The following ANKRD11 variants were observed in gnomAD, a reference collection of about 807,000 sequenced individuals.
The protein encoded by ANKRD11 is ankyrin repeat domain 11.
In ANKRD11, 17 loss-of-function variants were observed where a neutral mutation model predicts 195.7. That is an observed-to-expected ratio of 0.09 (90% CI 0.06 to 0.13). The LOEUF is 0.13. Ranked by LOEUF, ANKRD11 falls within the 10% of genes least tolerant of loss-of-function variation. The probability of loss-of-function intolerance (pLI) is 1.00; values close to 1 mark genes in which losing one functional copy is unlikely to be tolerated. For missense variants in ANKRD11, 3,735 were observed against 3,566.1 expected, an observed-to-expected ratio of 1.05 and a Z score of -1.21; for synonymous variants, 1,953 against 1,528.1, an observed-to-expected ratio of 1.28 and a Z score of -6.49.
At chr16:89,413,261 A>G (rs542841384) in intron 2 of ANKRD11, among the ~76,000 whole-genome samples, 45 of 152,274 alleles carry the variant, frequency 3.0e-4, no homozygotes, top group South Asian at 1.5e-3. Flanking sequence ...CATAATTACT[A>G]CGCATATTTT....
chr16:89,332,488 A>G (rs2038119418), intron 2 of ANKRD11, among the ~76,000 whole-genome samples: 1 of 152,228 alleles, frequency 6.6e-6, no homozygotes, highest in African/African-American at 2.4e-5. Context: ...CCTGCAGGCC[A>G]AGACAAATGC....
intron 2 of ANKRD11, among the ~76,000 whole-genome samples, chr16:89,375,594 C>G (rs2040389041): frequency 6.6e-6 from 1 of 151,960 alleles, no homozygotes; most frequent in African/African-American, 2.4e-5. Context: ...CGAGTGATTA[C>G]AGGCGCCCGC....
intron 7 of ANKRD11, chr16:89,286,507 A>G (rs1166665811): frequency 1.1e-5 from 6 of 527,796 alleles, no homozygotes; most frequent in African/African-American, 2.0e-5. Context: ...ACGACTTCCC[A>G]GGAATCTTCT....
intron 2 of ANKRD11, among the ~76,000 whole-genome samples, chr16:89,416,050 C>A (rs755867093): frequency 9.9e-5 from 15 of 151,968 alleles, no homozygotes; most frequent in Non-Finnish European, 1.6e-4. Context: ...CACAGGCAAA[C>A]AAAAGACAAA....
At chr16:89,273,313 T>C (rs1347040217) in intron 11 of ANKRD11, among the ~76,000 whole-genome samples, 2 of 152,188 alleles carry the variant, frequency 1.3e-5, no homozygotes, top group Non-Finnish European at 2.9e-5. Flanking sequence ...CCTGACTGCC[T>C]GTCCATCACA....
rs1048315668 is a variant in ANKRD11, at chr16:89,488,871, C to T, written c.-145+1374G>A. Among the ~76,000 whole-genome samples, 142 of 152,226 alleles carry T rather than the reference C, an allele frequency of 9.3e-4. 1 individual carries two copies. Among genetic ancestry groups the T allele is most frequent in the African/African-American group, 3.3e-3 (135 of 41,534 alleles). On this transcript the variant is annotated intron_variant, in intron 1 of 12. Transcript: ENST00000301030. ...AAATCTAATTTCTCTACCATAAAAC[C>T]CTGTTCTTGCAAAAGGATACAAAAC...
intron 2 of ANKRD11, among the ~76,000 whole-genome samples, chr16:89,388,190 A>C (rs2041009422): frequency 6.6e-6 from 1 of 152,044 alleles, no homozygotes; most frequent in Non-Finnish European, 1.5e-5. Flanking sequence ...ATCAGCACTA[A>C]CACCAGACTA....
At chr16:89,474,205 T>C (rs985690636) in intron 1 of ANKRD11, among the ~76,000 whole-genome samples, 3 of 152,144 alleles carry the variant, frequency 2.0e-5, no homozygotes, top group South Asian at 2.1e-4. Flanking sequence ...AACACCTAGA[T>C]TGCAACCGGA....
intron 3 of ANKRD11, among the ~76,000 whole-genome samples, chr16:89,308,922 G>A (rs1049116094): frequency 2.0e-5 from 3 of 152,164 alleles, no homozygotes; most frequent in African/African-American, 4.8e-5. Context: ...GAGGAGCCCC[G>A]TGCATGCAGT....
chr16:89,490,120 C>G (rs2057776889), intron 1 of ANKRD11, 125 bp downstream of exon 1: 1 of 148,958 alleles, frequency 6.7e-6, no homozygotes, highest in South Asian at 2.1e-4. Flanking sequence ...CGGCCCCGAC[C>G]CCCCAGGCCC....
chr16:89,444,641 C>G (rs906952755), intron 1 of ANKRD11, among the ~76,000 whole-genome samples: 12 of 152,130 alleles, frequency 7.9e-5, no homozygotes, highest in African/African-American at 2.4e-4. Flanking sequence ...TAGCAGCATA[C>G]AAGACTGCTT....
At chr16:89,488,588 C>T (rs1036931939) in intron 1 of ANKRD11, among the ~76,000 whole-genome samples, 4 of 152,126 alleles carry the variant, frequency 2.6e-5, no homozygotes, top group Non-Finnish European at 4.4e-5. Flanking sequence ...AAAGAAACAG[C>T]CTCAGGGTCT....
chr16:89,317,195 G>C (rs2037012239), intron 2 of ANKRD11, 117 bp from the exon 3 acceptor site: 2 of 793,262 alleles, frequency 2.5e-6, no homozygotes, highest in African/African-American at 1.7e-5. Flanking sequence ...GCTCTGATCA[G>C]GGCTGGGGCC....
intron 1 of ANKRD11, among the ~76,000 whole-genome samples, chr16:89,462,842 C>T (rs536865286): frequency 6.6e-6 from 1 of 150,792 alleles, no homozygotes; most frequent in Non-Finnish European, 1.5e-5. Context: ...GCAGCCACCC[C>T]GTCTGGGAAG....
At chr16:89,306,290 A>C (rs111878332) in intron 3 of ANKRD11, among the ~76,000 whole-genome samples, 2 of 34,662 alleles carry the variant, frequency 5.8e-5, no homozygotes, top group Non-Finnish European at 1.0e-4. Context: ...CCGCAGACAC[A>C]CGCCACCTAC....
chr16:89,322,013 A>G (rs1258407233), intron 2 of ANKRD11, among the ~76,000 whole-genome samples: 1 of 152,246 alleles, frequency 6.6e-6, no homozygotes, highest in Non-Finnish European at 1.5e-5. Flanking sequence ...CTACCCTAAC[A>G]GTAAGAGCAG....
At chr16:89,480,899 CAACT>C (rs2057423864) in intron 1 of ANKRD11, among the ~76,000 whole-genome samples, 1 of 152,186 alleles carries the variant, frequency 6.6e-6, no homozygotes, top group Admixed American at 6.5e-5. Flanking sequence ...TTCCTTTCCT[CAACT>C]GAGATGCCCA....
intron 4 of ANKRD11, among the ~76,000 whole-genome samples, chr16:89,295,146 G>T (rs923312609): frequency 2.0e-4 from 30 of 152,328 alleles, no homozygotes; most frequent in Non-Finnish European, 2.6e-4. Context: ...ACCCCGGGGT[G>T]GGGGTGGGAG....
At chr16:89,366,598 C>A (rs892205652) in intron 2 of ANKRD11, among the ~76,000 whole-genome samples, 1 of 152,230 alleles carries the variant, frequency 6.6e-6, no homozygotes, top group African/African-American at 2.4e-5. Context: ...CTGAAATCAG[C>A]AGACTCTTGT....
Sources: gnomAD v4.1 joint callset for allele counts (sites outside exome capture counted in the v4.1 genomes callset) on GRCh38, gnomAD v4.1.1 for gene constraint, MANE v1.5 for transcripts, NCBI Gene and HGNC (gene_info 2026-07-23, HGNC 2026-07-21) for gene names.